Variants in PTGER3 observed in about 807,000 individuals in gnomAD.
PTGER3 encodes prostaglandin E receptor 3, also known as prostaglandin E2 receptor EP3 subtype.
In PTGER3, 22 loss-of-function variants were observed where a neutral mutation model predicts 34.7. The observed-to-expected ratio is 0.63, with a 90% CI of 0.45 to 0.91. PTGER3 has a LOEUF of 0.91. Among genes scored for constraint, PTGER3 ranks in the 40% least tolerant of loss-of-function variants. PTGER3 has a pLI of 0.00. For synonymous variants in PTGER3, 241 were observed against 230.1 expected (o/e 1.05, Z -0.43); for missense variants, 468 against 519.4 (o/e 0.90, Z 0.96).
intron 2 of PTGER3, among the ~76,000 whole-genome samples, chr1:71,002,821 A>T (rs1206418461): frequency 2.0e-5 from 3 of 152,230 alleles, no homozygotes; most frequent in Non-Finnish European, 4.4e-5. Context: ...ACAAAGGACA[A>T]TTGCTTTTCC....
intron 4 of PTGER3, among the ~76,000 whole-genome samples, chr1:70,863,194 G>A (rs1323772501): frequency 1.3e-5 from 2 of 151,808 alleles, no homozygotes; most frequent in East Asian, 1.9e-4. Context: ...TGGAACAAAT[G>A]CTCTCCCATG....
intron 4 of PTGER3, among the ~76,000 whole-genome samples, chr1:70,926,660 A>C (rs1413433281): frequency 6.6e-6 from 1 of 151,990 alleles, no homozygotes; most frequent in Non-Finnish European, 1.5e-5. Context: ...TTCCTAATTG[A>C]ATACGCTTTA....
chr1:70,998,344 G>C (rs1233664003), intron 2 of PTGER3: 1 of 152,136 alleles, frequency 6.6e-6, no homozygotes, highest in South Asian at 2.1e-4. Context: ...AGAAAATGTA[G>C]AGCGATTTAC....
chr1:70,918,219 C>A (rs530348102), intron 4 of PTGER3, among the ~76,000 whole-genome samples: 1 of 152,190 alleles, frequency 6.6e-6, no homozygotes, highest in Admixed American at 6.6e-5. Context: ...AACTAGACCT[C>A]TATCTCTCCA....
chr1:70,869,239 C>A, intron 4 of PTGER3: 1 of 469,474 alleles, frequency 2.1e-6, no homozygotes, highest in Non-Finnish European at 4.4e-6. Flanking sequence ...CAAGAACTCA[C>A]TCACTATCAT....
At chr1:70,927,591 C>T (rs564221550) in intron 4 of PTGER3, among the ~76,000 whole-genome samples, 1 of 152,010 alleles carries the variant, frequency 6.6e-6, no homozygotes, top group Non-Finnish European at 1.5e-5. Context: ...GAATGGCAGG[C>T]TCTGGAAATA....
intron 4 of PTGER3, among the ~76,000 whole-genome samples, chr1:70,894,309 C>CAAAAAAA (rs35974984): frequency 1.7e-4 from 8 of 46,710 alleles, no homozygotes; most frequent in Non-Finnish European, 2.5e-4. Flanking sequence ...AACTCCATCT[C>CAAAAAAA]AAAAAAAAAA....
intron 2 of PTGER3, chr1:71,007,264 C>G (rs1274549287): frequency 1.0e-6 from 1 of 985,296 alleles, no homozygotes; most frequent in Admixed American, 6.2e-5. Context: ...ACAAACAGAT[C>G]AAAATAATCA....
chr1:71,042,313 G>A (rs757869786), intron 1 of PTGER3, among the ~76,000 whole-genome samples: 7 of 150,478 alleles, frequency 4.7e-5, no homozygotes, highest in Non-Finnish European at 8.9e-5. Context: ...CAGTCATGAA[G>A]TCATGAAATG....
intron 1 of PTGER3, among the ~76,000 whole-genome samples, chr1:71,018,924 A>G (rs571285343): frequency 3.3e-5 from 5 of 152,308 alleles, no homozygotes; most frequent in African/African-American, 1.2e-4. Context: ...AGCTTTCCCC[A>G]GAAATCATGA....
chr1:71,021,908 C>A (rs1658456649), intron 1 of PTGER3, among the ~76,000 whole-genome samples: 1 of 151,812 alleles, frequency 6.6e-6, no homozygotes, highest in South Asian at 2.1e-4. Flanking sequence ...CATTTAAAAT[C>A]ATGCTGTTGA....
intron 2 of PTGER3, among the ~76,000 whole-genome samples, chr1:70,958,749 T>C (rs529210311): frequency 2.6e-5 from 4 of 152,196 alleles, no homozygotes; most frequent in Non-Finnish European, 5.9e-5. Context: ...AAAAACCTTT[T>C]CCCAGTTCAA....
At chr1:70,921,685 A>G (rs533250049) in intron 4 of PTGER3, among the ~76,000 whole-genome samples, 2 of 152,132 alleles carry the variant, frequency 1.3e-5, no homozygotes, top group Non-Finnish European at 2.9e-5. Flanking sequence ...AACTGGATGA[A>G]GTTTCCCTCT....
At chr1:70,979,572 G>A (rs1321052992) in intron 2 of PTGER3, among the ~76,000 whole-genome samples, 1 of 152,086 alleles carries the variant, frequency 6.6e-6, no homozygotes, top group Non-Finnish European at 1.5e-5. Flanking sequence ...TCCGGGGCCT[G>A]CTATATCACA....
In PTGER3 at chr1:70,973,221, T is replaced by TGATAGATA. The variant is rs72155144; in HGVS notation, c.1169+1068_1169+1075dup. 1.1e-3 allele frequency among the ~76,000 whole-genome samples: 151 copies of TGATAGATA among 137,678 alleles called. 1 individual carries two copies. Among genetic ancestry groups the TGATAGATA allele is most frequent in the South Asian group, 2.0e-3 (8 of 4,064 alleles). 90.3% of individuals were successfully genotyped at this position (137,678 alleles called of 152,430 possible). The stretch of plus-strand genomic sequence containing the variant: ...GATAGATGATAGATAGATAGATAGA[T>TGATAGATA]GATAGATAGATAGATAGATAGATAG... On this transcript the variant is annotated intron_variant, in intron 3 of 3. Coordinates refer to ENST00000306666, the MANE Select transcript of PTGER3 (RefSeq NM_198719.2).
chr1:70,923,387 T>C (rs970659321), intron 4 of PTGER3, among the ~76,000 whole-genome samples: 3 of 152,192 alleles, frequency 2.0e-5, no homozygotes, highest in Non-Finnish European at 4.4e-5. Context: ...GCCTTAATAG[T>C]GGCTGTCCTA....
chr1:70,983,691 T>A (rs376586267), intron 2 of PTGER3, among the ~76,000 whole-genome samples: 2 of 152,266 alleles, frequency 1.3e-5, no homozygotes, highest in African/African-American at 2.4e-5. Flanking sequence ...CAAATTCACA[T>A]CCTGCCTTAT....
chr1:70,952,613 A>C (rs1472641580), exon 4 of PTGER3: 3 of 1,040,530 alleles, frequency 2.9e-6, no homozygotes, highest in Admixed American at 5.3e-5. Flanking sequence ...CATTACCAGC[A>C]TGCATATGAA....
At chr1:70,883,757 G>A (rs539398518) in intron 4 of PTGER3, among the ~76,000 whole-genome samples, 81 of 152,224 alleles carry the variant, frequency 5.3e-4, no homozygotes, top group African/African-American at 1.5e-3. Context: ...ACTAAATGTT[G>A]CTATCATTAA....
Sources: allele counts gnomAD v4.1 joint callset (sites outside exome capture counted in the v4.1 genomes callset), GRCh38; gene constraint gnomAD v4.1.1; transcripts MANE v1.5; gene names NCBI Gene and HGNC (gene_info 2026-07-23, HGNC 2026-07-21).